The following PIK3C2G variants were observed in gnomAD, a reference collection of about 807,000 sequenced individuals.
PIK3C2G encodes the protein phosphatidylinositol-4-phosphate 3-kinase catalytic subunit type 2 gamma, also known as phosphatidylinositol 3-kinase C2 domain-containing subunit gamma.
Under a neutral mutation model 181.1 loss-of-function variants are expected in PIK3C2G, and 168 were observed. That is an observed-to-expected ratio of 0.93 (90% CI 0.82 to 1.05). PIK3C2G has a LOEUF of 1.05. Ranked by LOEUF, PIK3C2G falls within the 50% of genes least tolerant of loss-of-function variation. PIK3C2G has a pLI of 0.00. For synonymous variants in PIK3C2G, 573 were observed against 592.2 expected (o/e 0.97, Z 0.47); for missense variants, 1,869 against 1,732.8 (o/e 1.08, Z -1.40).
chr12:18,404,943 G>A (rs898145818), intron 16 of PIK3C2G, among the ~76,000 whole-genome samples: 1 of 152,064 alleles, frequency 6.6e-6, no homozygotes, highest in East Asian at 1.9e-4. Flanking sequence ...TTGAAAAATG[G>A]TCTGGGACTG....
chr12:18,611,114 CAG>C (rs567703995), intron 31 of PIK3C2G, among the ~76,000 whole-genome samples: 38 of 152,126 alleles, frequency 2.5e-4, no homozygotes, highest in Non-Finnish European at 4.7e-4. Flanking sequence ...ATTTTACACT[CAG>C]ATGAAATTAC....
At chr12:18,304,704 A>G (rs1211092251) in intron 5 of PIK3C2G, among the ~76,000 whole-genome samples, 1 of 152,242 alleles carries the variant, frequency 6.6e-6, no homozygotes, top group Non-Finnish European at 1.5e-5. Context: ...ATTCATTAGC[A>G]GTAAAACTGC....
intron 15 of PIK3C2G, among the ~76,000 whole-genome samples, chr12:18,398,029 A>G (rs975864152): frequency 2.0e-5 from 3 of 152,190 alleles, no homozygotes; most frequent in Admixed American, 6.5e-5. Flanking sequence ...AAATAAAAAC[A>G]TATTTACTCT....
chr12:18,522,787 T>A (rs1943002153), intron 24 of PIK3C2G, among the ~76,000 whole-genome samples: 1 of 152,116 alleles, frequency 6.6e-6, no homozygotes, highest in African/African-American at 2.4e-5. Flanking sequence ...TTCCTCAGAT[T>A]TGAGACATTT....
At chr12:18,322,781 G>A (rs1951168335) in intron 7 of PIK3C2G, among the ~76,000 whole-genome samples, 2 of 152,052 alleles carry the variant, frequency 1.3e-5, no homozygotes, top group African/African-American at 4.8e-5. Flanking sequence ...GAATGGCTAG[G>A]ACTAGAAAGG....
At position 18,434,437 on chromosome 12, in the gene PIK3C2G, A is replaced by C. The variant is rs189974303; in HGVS notation, c.2504+10398A>C. Reference sequence around the variant, plus strand: ...AAATAAGATAGAATCATAGCATATAATCATAGAATCATAGAAAGAGAATCA... The same window carrying C: ...AAATAAGATAGAATCATAGCATATACTCATAGAATCATAGAAAGAGAATCA... On this transcript the variant is annotated intron_variant, in intron 18 of 32. Transcript: ENST00000538779. 1.8e-3 allele frequency among the ~76,000 whole-genome samples: 268 copies of C among 152,316 alleles called. 1 individual carries two copies. The highest frequency in any genetic ancestry group is 6.3e-3 in the African/African-American group (262 of 41,572).
intron 18 of PIK3C2G, among the ~76,000 whole-genome samples, chr12:18,444,063 G>C (rs1307646817): frequency 2.0e-5 from 3 of 152,130 alleles, no homozygotes; most frequent in Non-Finnish European, 2.9e-5. Context: ...AGAGTGCCAA[G>C]GCACTATTCT....
intron 11 of PIK3C2G, among the ~76,000 whole-genome samples, chr12:18,357,807 A>G (rs1940886843): frequency 6.6e-6 from 1 of 152,182 alleles, no homozygotes. Context: ...GTGCCCGGTA[A>G]CCAACATTCT....
At chr12:18,524,539 G>A (rs1943112171) in intron 24 of PIK3C2G, among the ~76,000 whole-genome samples, 1 of 151,380 alleles carries the variant, frequency 6.6e-6, no homozygotes, top group South Asian at 2.1e-4. Context: ...CCTTAAACTA[G>A]TGGCTTCTTT....
At chr12:18,630,607 A>G (rs1380363199) in intron 31 of PIK3C2G, among the ~76,000 whole-genome samples, 1 of 152,172 alleles carries the variant, frequency 6.6e-6, no homozygotes, top group Non-Finnish European at 1.5e-5. Context: ...GGAACAAAAC[A>G]TAGACCTTCC....
intron 6 of PIK3C2G, among the ~76,000 whole-genome samples, chr12:18,314,318 T>C (rs761398991): frequency 6.6e-6 from 1 of 152,096 alleles, no homozygotes; most frequent in South Asian, 2.1e-4. Context: ...CCCCCCAAAA[T>C]TCATAAGTTG....
intron 11 of PIK3C2G, among the ~76,000 whole-genome samples, chr12:18,352,810 G>A (rs1282933722): frequency 6.6e-6 from 1 of 152,148 alleles, no homozygotes; most frequent in African/African-American, 2.4e-5. Context: ...AGATCCCGCT[G>A]TCAAGCCACC....
At chr12:18,563,865 G>A (rs373510080) in intron 28 of PIK3C2G, among the ~76,000 whole-genome samples, 2 of 150,996 alleles carry the variant, frequency 1.3e-5, no homozygotes, top group African/African-American at 4.9e-5. Flanking sequence ...AAGAAAATTG[G>A]ATATGTTTAC....
intron 6 of PIK3C2G, among the ~76,000 whole-genome samples, chr12:18,319,239 T>A (rs1339559299): frequency 3.9e-5 from 6 of 152,178 alleles, no homozygotes; most frequent in African/African-American, 1.4e-4. Context: ...TGGTCAAAAG[T>A]ATGCCAACGT....
chr12:18,496,064 A>G lies in PIK3C2G; in HGVS notation c.2796A>G (p.Ala932=), dbSNP rs1168309757. Reference sequence around the variant, plus strand: ...TTTCCCTTTTTCTTTTCCTATAGGCATGTTCATATTTTACATCTAATGCTT... The same window carrying G: ...TTTCCCTTTTTCTTTTCCTATAGGCGTGTTCATATTTTACATCTAATGCTT... ...ALCIKGIDHD[A]CSYFTSNALP... The change falls in exon 21 of 33, where the codon GCA becomes GCG. Residue 932 remains alanine (A), a splice_region_variant and synonymous_variant. Transcript: ENST00000538779. 4 of 1,492,680 alleles carry G rather than the reference A, an allele frequency of 2.7e-6. No individual in the cohort carries two copies. Among genetic ancestry groups the G allele is most frequent in the South Asian group, 2.6e-5 (2 of 78,402 alleles). The allele number at this position is 1,492,680 out of a possible 1,614,324, so 92.5% of individuals were successfully genotyped here. A position where few individuals can be genotyped will look rare whatever the true frequency, so the allele number is the denominator to read the frequency against.
intron 11 of PIK3C2G, among the ~76,000 whole-genome samples, chr12:18,347,381 G>A (rs1285998260): frequency 2.0e-5 from 3 of 151,980 alleles, no homozygotes; most frequent in Non-Finnish European, 4.4e-5. Context: ...TGACTCTGTA[G>A]TATTTTCTTC....
At chr12:18,419,422 A>G (rs1945353254) in intron 16 of PIK3C2G, among the ~76,000 whole-genome samples, 1 of 152,222 alleles carries the variant, frequency 6.6e-6, no homozygotes, top group Non-Finnish European at 1.5e-5. Context: ...CTTGATGTCT[A>G]CAAGTTTCAG....
At chr12:18,578,208 A>G (rs536663421) in intron 29 of PIK3C2G, among the ~76,000 whole-genome samples, 66 of 152,292 alleles carry the variant, frequency 4.3e-4, no homozygotes, top group African/African-American at 1.6e-3. Flanking sequence ...ATCAGACACA[A>G]TGCTGCCATG....
At chr12:18,518,753 T>C (rs1023739676) in intron 24 of PIK3C2G, among the ~76,000 whole-genome samples, 1 of 152,208 alleles carries the variant, frequency 6.6e-6, no homozygotes, top group Non-Finnish European at 1.5e-5. Context: ...TAATCTTAGT[T>C]AATTCTTGTC....
Sources: allele counts gnomAD v4.1 joint callset (sites outside exome capture counted in the v4.1 genomes callset), GRCh38; gene constraint gnomAD v4.1.1; transcripts MANE v1.5; gene names NCBI Gene and HGNC (gene_info 2026-07-23, HGNC 2026-07-21).